SLC26A7: variants seen among roughly 807,000 people sequenced by gnomAD.
SLC26A7 encodes solute carrier family 26 member 7, also known as anion exchange transporter.
In SLC26A7, 59 loss-of-function variants were observed where a neutral mutation model predicts 82.5. That is an observed-to-expected ratio of 0.72 (90% CI 0.58 to 0.89). SLC26A7 has a LOEUF of 0.89. Among genes scored for constraint, SLC26A7 ranks in the 40% least tolerant of loss-of-function variants. The pLI is 0.00. For synonymous variants in SLC26A7, 271 were observed against 274.3 expected, an observed-to-expected ratio of 0.99 and a Z score of 0.12; for missense variants, 820 against 793.0, an observed-to-expected ratio of 1.03 and a Z score of -0.41.
chr8:91,221,732 G>A (rs899584539), intron 2 of SLC26A7, among the ~76,000 whole-genome samples: 33 of 151,968 alleles, frequency 2.2e-4, no homozygotes, highest in African/African-American at 7.7e-4. Context: ...TGGTCTATCT[G>A]TCTGTTTTGG....
chr8:91,395,156 T>G lies in SLC26A7; in HGVS notation c.*59T>G. On this transcript the variant is annotated 3_prime_UTR_variant, in exon 19 of 19. Coordinates refer to ENST00000276609, the MANE Select transcript of SLC26A7 (RefSeq NM_052832.4). ...CCAACTGCCTGAAGAGGCCATATGC[T>G]GGCATTTTGCACAACTTTTTGGTTG... The G allele has an allele frequency of 6.2e-7, 1 of 1,607,258 alleles. No individual in the cohort carries two copies. The highest frequency in any genetic ancestry group is 8.5e-7 in the Non-Finnish European group (1 of 1,177,282).
chr8:91,383,549 A>C (rs571923880), intron 15 of SLC26A7, among the ~76,000 whole-genome samples: 2 of 152,332 alleles, frequency 1.3e-5, no homozygotes, highest in South Asian at 4.1e-4. Context: ...TGAGCGCATG[A>C]TAGAATAATC....
At chr8:91,242,602 T>C (rs560002404) in intron 2 of SLC26A7, among the ~76,000 whole-genome samples, 2 of 152,308 alleles carry the variant, frequency 1.3e-5, no homozygotes, top group East Asian at 3.9e-4. Flanking sequence ...GATACCCTTA[T>C]AAAGGAAGCA....
chr8:91,242,031 C>T (rs1810481933), intron 2 of SLC26A7, among the ~76,000 whole-genome samples: 1 of 152,124 alleles, frequency 6.6e-6, no homozygotes, highest in Admixed American at 6.5e-5. Context: ...CCCTTTGGAA[C>T]AATATAGGCT....
intron 2 of SLC26A7, among the ~76,000 whole-genome samples, chr8:91,222,513 T>C (rs570012190): frequency 6.6e-6 from 1 of 151,650 alleles, no homozygotes; most frequent in South Asian, 2.1e-4. Flanking sequence ...TTTGTCTTAT[T>C]ATTTTTAGAT....
At chr8:91,386,502 G>T (rs1466112636) in intron 15 of SLC26A7, among the ~76,000 whole-genome samples, 3 of 152,142 alleles carry the variant, frequency 2.0e-5, no homozygotes, top group African/African-American at 7.2e-5. Context: ...ACATCAATTT[G>T]TGTCATCATT....
At chr8:91,272,078 T>C (rs572723880) in intron 2 of SLC26A7, among the ~76,000 whole-genome samples, 2 of 152,354 alleles carry the variant, frequency 1.3e-5, no homozygotes, top group East Asian at 3.9e-4. Context: ...TACTGGCCTC[T>C]GTAATGAACT....
At chr8:91,367,307 C>T (rs147706921) in intron 14 of SLC26A7, among the ~76,000 whole-genome samples, 6 of 152,200 alleles carry the variant, frequency 3.9e-5, no homozygotes, top group African/African-American at 1.2e-4. Flanking sequence ...TGCGCCCAGT[C>T]GAAAGGATCT....
chr8:91,271,566 G>A (rs2130735024), intron 2 of SLC26A7, among the ~76,000 whole-genome samples: 1 of 151,276 alleles, frequency 6.6e-6, no homozygotes, highest in South Asian at 2.1e-4. Context: ...GCTGCTTCCA[G>A]GCTCGGGGGT....
intron 2 of SLC26A7, among the ~76,000 whole-genome samples, chr8:91,251,321 TA>T (rs1810650913): frequency 6.6e-6 from 1 of 151,968 alleles, no homozygotes; most frequent in Non-Finnish European, 1.5e-5. Flanking sequence ...TTTCACTGGT[TA>T]TGAAGGGACA....
chr8:91,268,261 A>C (rs1166845274), intron 2 of SLC26A7, among the ~76,000 whole-genome samples: 1 of 151,742 alleles, frequency 6.6e-6, no homozygotes, highest in African/African-American at 2.4e-5. Context: ...CTGTATTGCA[A>C]CTGATCTCTC....
intron 5 of SLC26A7, among the ~76,000 whole-genome samples, chr8:91,332,484 T>C (rs1044650433): frequency 1.6e-5 from 2 of 128,590 alleles, no homozygotes; most frequent in Admixed American, 8.9e-5. Flanking sequence ...TCTGTATATA[T>C]ATTTAATACA....
upstream of SLC26A7, among the ~76,000 whole-genome samples, chr8:91,247,592 A>C (rs1410364229): frequency 6.6e-6 from 1 of 152,186 alleles, no homozygotes; most frequent in Non-Finnish European, 1.5e-5. Flanking sequence ...TCTAATTTTA[A>C]GAAATTTTTA....
intron 15 of SLC26A7, among the ~76,000 whole-genome samples, chr8:91,385,415 G>C (rs1388311364): frequency 1.3e-5 from 2 of 152,198 alleles, no homozygotes; most frequent in African/African-American, 4.8e-5. Context: ...TTGGAAAAAT[G>C]TTAGAAATGT....
At chr8:91,228,487 C>G (rs1013985549) in intron 2 of SLC26A7, among the ~76,000 whole-genome samples, 1 of 152,210 alleles carries the variant, frequency 6.6e-6, no homozygotes, top group Non-Finnish European at 1.5e-5. Flanking sequence ...GGTGAGCAAG[C>G]TGGTCAGCAT....
At chr8:91,269,203 T>G (rs1811199510) in intron 2 of SLC26A7, among the ~76,000 whole-genome samples, 1 of 152,092 alleles carries the variant, frequency 6.6e-6, no homozygotes, top group Non-Finnish European at 1.5e-5. Context: ...TTTTGAAGTT[T>G]TTTTGTTACA....
intron 16 of SLC26A7, among the ~76,000 whole-genome samples, chr8:91,392,965 C>A (rs1048779199): frequency 2.0e-5 from 3 of 152,140 alleles, no homozygotes; most frequent in South Asian, 4.1e-4. Context: ...AGTAATATAT[C>A]TCCCATTATT....
At chr8:91,348,121 G>A (rs1192640801) in intron 9 of SLC26A7, among the ~76,000 whole-genome samples, 2 of 152,224 alleles carry the variant, frequency 1.3e-5, no homozygotes, top group East Asian at 3.9e-4. Flanking sequence ...GCAACACTGA[G>A]ATTGTCTCCG....
intron 2 of SLC26A7, among the ~76,000 whole-genome samples, chr8:91,236,420 G>A (rs183701759): frequency 1.3e-5 from 2 of 152,060 alleles, no homozygotes; most frequent in Non-Finnish European, 2.9e-5. Context: ...ATAAAAGTAG[G>A]TAAGAACAGC....
Sources: allele counts gnomAD v4.1 joint callset (sites outside exome capture counted in the v4.1 genomes callset), GRCh38; gene constraint gnomAD v4.1.1; transcripts MANE v1.5; gene names NCBI Gene and HGNC (gene_info 2026-07-23, HGNC 2026-07-21).